Variants in TFCP2L1 observed in about 807,000 individuals in gnomAD.
TFCP2L1 encodes transcription factor CP2-like protein 1.
TFCP2L1 carries 12 observed loss-of-function variants against 72.2 expected under a neutral mutation model. That is an observed-to-expected ratio of 0.17 (90% CI 0.11 to 0.27). The LOEUF (loss-of-function observed/expected upper bound fraction) is 0.27. Among genes scored for constraint, TFCP2L1 ranks in the 10% least tolerant of loss-of-function variants. The pLI is 1.00. For missense variants in TFCP2L1, 488 were observed against 624.6 expected (o/e 0.78, Z 2.33); for synonymous variants, 260 against 251.0 (o/e 1.04, Z -0.34).
chr2:121,240,749 G>A, intron 7 of TFCP2L1: 2 of 985,158 alleles, frequency 2.0e-6, no homozygotes, highest in Non-Finnish European at 2.4e-6. Flanking sequence ...CACCAGCACA[G>A]GCATGAACCA....
In TFCP2L1 at chr2:121,217,757, T is replaced by A. The variant is rs1026311999; in HGVS notation, c.*6584A>T. The A allele has an allele frequency of 6.6e-5, 10 of 152,238 alleles. No individual in the cohort carries two copies. The highest frequency in any genetic ancestry group is 2.4e-4 in the African/African-American group (10 of 41,422). 9.4% of individuals were successfully genotyped at this position (152,238 alleles called of 1,614,324 possible). A position where few individuals can be genotyped will look rare whatever the true frequency, so the allele number is the denominator to read the frequency against. On this transcript the variant is annotated 3_prime_UTR_variant, in exon 15 of 15. Coordinates refer to ENST00000263707, the MANE Select transcript of TFCP2L1 (RefSeq NM_014553.3). ...ACTGCTCAAAGTCCTTCTCCACGCA[T>A]CAACCCTGAGGGACCTGGCCAGGGG...
intron 6 of TFCP2L1, 85 bp from the exon 7 acceptor site, chr2:121,242,554 AG>A: frequency 7.7e-7 from 1 of 1,293,240 alleles, no homozygotes; most frequent in Non-Finnish European, 1.1e-6. Flanking sequence ...CACCTCACCC[AG>A]GGCCCCAGGG....
chr2:121,279,738 G>A (rs976192123), intron 2 of TFCP2L1, among the ~76,000 whole-genome samples: 10 of 152,304 alleles, frequency 6.6e-5, no homozygotes, highest in Middle Eastern at 3.4e-3. Context: ...AAATTGCTAC[G>A]ACACCGCAGC....
intron 7 of TFCP2L1, 112 bp downstream of exon 7, chr2:121,242,247 C>A (rs1194479916): frequency 3.5e-6 from 3 of 862,758 alleles, no homozygotes; most frequent in Admixed American, 1.8e-5. Context: ...ACAGAATAAG[C>A]ACTCTCAGAA....
At chr2:121,236,088 G>A (rs1421577253) in intron 10 of TFCP2L1, among the ~76,000 whole-genome samples, 2 of 152,198 alleles carry the variant, frequency 1.3e-5, no homozygotes, top group Non-Finnish European at 2.9e-5. Context: ...AATGTAGTCA[G>A]AGTGTTCATG....
intron 8 of TFCP2L1, 149 bp downstream of exon 8, chr2:121,239,409 T>C: frequency 1.2e-6 from 1 of 848,716 alleles, no homozygotes; most frequent in South Asian, 1.5e-5. Context: ...AAAAGTTGTG[T>C]AAATGCTGAA....
In TFCP2L1 at chr2:121,234,099, T is replaced by A; in HGVS notation, c.1190A>T (p.Asn397Ile). ...TGCTCCCCACAACTCACCAGACAGG[T>A]TGCTGTCTCCACTGCCGTCCCGCTT... ...QQKRDGSGDSNLSVYHAIFLE... is the reference protein window; with the variant it reads ...QQKRDGSGDSILSVYHAIFLE... Residue 397 changes from asparagine to isoleucine, a missense_variant, in exon 12 of 15, where the codon AAC becomes ATC. Physicochemically the swap from Asn to Ile is moderately radical, Grantham distance 149. Coordinates refer to ENST00000263707, the MANE Select transcript of TFCP2L1 (RefSeq NM_014553.3). 6.2e-7 allele frequency: 1 copy of A among 1,613,160 alleles called. No homozygotes were observed. The highest frequency in any genetic ancestry group is 8.5e-7 in the Non-Finnish European group (1 of 1,179,854).
chr2:121,241,531 G>A (rs77947266), intron 7 of TFCP2L1, among the ~76,000 whole-genome samples: 5,830 of 152,008 alleles, frequency 0.038, 198 homozygotes, highest in East Asian at 0.13. Flanking sequence ...AAGAGGAAGA[G>A]CGAGCTCCTC....
chr2:121,251,695 AAAT>A (rs1686618308), intron 2 of TFCP2L1, among the ~76,000 whole-genome samples: 1 of 152,240 alleles, frequency 6.6e-6, no homozygotes, highest in Non-Finnish European at 1.5e-5. Context: ...CTCTACAAAA[AAAT>A]AATAAATGAG....
At chr2:121,256,912 A>T (rs1573382431) in intron 2 of TFCP2L1, among the ~76,000 whole-genome samples, 1 of 152,038 alleles carries the variant, frequency 6.6e-6, no homozygotes, top group Non-Finnish European at 1.5e-5. Context: ...TGGAGGGTTG[A>T]AGGTGCACCC....
intron 14 of TFCP2L1, 130 bp downstream of exon 14, chr2:121,225,432 G>A: frequency 2.3e-6 from 2 of 871,764 alleles, no homozygotes; most frequent in Non-Finnish European, 3.7e-6. Context: ...AGCTTTCACG[G>A]AGAGTTTGTG....
intron 2 of TFCP2L1, among the ~76,000 whole-genome samples, chr2:121,263,723 A>C (rs1686874412): frequency 6.6e-6 from 1 of 152,342 alleles, no homozygotes; most frequent in African/African-American, 2.4e-5. Context: ...AATCCTAAAC[A>C]CATATATCAC....
At chr2:121,225,698 G>A (rs908810220) in intron 13 of TFCP2L1, 85 bp from the exon 14 acceptor site, 2 of 1,475,506 alleles carry the variant, frequency 1.4e-6, no homozygotes, top group African/African-American at 2.8e-5. Flanking sequence ...GCCATGCGCA[G>A]CTGCAGAAAC....
intron 14 of TFCP2L1, 69 bp from the exon 15 acceptor site, chr2:121,224,456 CA>C (rs34931719): frequency 6.5e-7 from 1 of 1,529,740 alleles, no homozygotes; most frequent in Non-Finnish European, 9.0e-7. Flanking sequence ...TGGGGAGTCC[CA>C]AAAGGCACGC....
chr2:121,237,947 A>T (rs532099178), intron 8 of TFCP2L1, 97 bp from the exon 9 acceptor site: 3 of 1,311,138 alleles, frequency 2.3e-6, no homozygotes, highest in South Asian at 2.5e-5. Flanking sequence ...TTCCTATCAG[A>T]TGCAGGATTT....
Position 121,239,631 on chromosome 2 carries a change from C to G in TFCP2L1, c.787G>C (p.Val263Leu), listed in dbSNP as rs141932688. The change falls in exon 8 of 15, where the codon GTG (valine) becomes CTG (leucine). Residue 263 changes from valine to leucine, a missense_variant. Transcript: ENST00000263707. ...ILTECSPWPD[V>L]AYQVNSAPSP... The stretch of plus-strand genomic sequence containing the variant: ...GGGGCGCTGTTCACCTGGTAGGCCA[C>G]GTCGGGCCATGGAGAGCACTGCAGG... 4.3e-6 allele frequency: 7 copies of G among 1,614,116 alleles called. No individual in the cohort carries two copies. Among genetic ancestry groups the G allele is most frequent in the Non-Finnish European group, 5.9e-6 (7 of 1,180,010 alleles).
At chr2:121,247,825 T>C (rs1470282201) in intron 5 of TFCP2L1, among the ~76,000 whole-genome samples, 1 of 152,212 alleles carries the variant, frequency 6.6e-6, no homozygotes, top group Non-Finnish European at 1.5e-5. Flanking sequence ...CAGTGCTTGA[T>C]AACAAAATAA....
At chr2:121,282,925 C>T (rs1305852060) in intron 1 of TFCP2L1, among the ~76,000 whole-genome samples, 1 of 152,196 alleles carries the variant, frequency 6.6e-6, no homozygotes, top group Non-Finnish European at 1.5e-5. Context: ...GGGCCTCCCC[C>T]GTCACCATCC....
intron 2 of TFCP2L1, among the ~76,000 whole-genome samples, chr2:121,279,786 T>C (rs371569118): frequency 3.9e-5 from 6 of 152,286 alleles, no homozygotes; most frequent in African/African-American, 1.4e-4. Flanking sequence ...GAAACCAGCG[T>C]TCCTCTGCCC....
Sources: gnomAD v4.1 joint callset for allele counts (sites outside exome capture counted in the v4.1 genomes callset) on GRCh38, gnomAD v4.1.1 for gene constraint, MANE v1.5 for transcripts, NCBI Gene and HGNC (gene_info 2026-07-23, HGNC 2026-07-21) for gene names.